The following GRIK4 variants were observed in gnomAD, a reference collection of about 807,000 sequenced individuals.
The protein encoded by GRIK4 is glutamate receptor ionotropic, kainate 4.
Under a neutral mutation model 104.9 loss-of-function variants are expected in GRIK4, and 40 were observed. That is an observed-to-expected ratio of 0.38 (90% confidence interval 0.30 to 0.50). The LOEUF is 0.50. Among genes scored for constraint, GRIK4 ranks in the 20% least tolerant of loss-of-function variants. GRIK4 has a pLI of 0.93. For missense variants in GRIK4, 1,047 were observed against 1,308.1 expected (o/e 0.80, Z 3.08); for synonymous variants, 485 against 524.9 (o/e 0.92, Z 1.04).
Position 120,874,042 on chromosome 11 carries a change from C to T in GRIK4, c.907-24C>T, listed in dbSNP as rs140062412. On this transcript the variant is annotated intron_variant, in intron 9 of 20. Coordinates refer to ENST00000527524, the MANE Select transcript of GRIK4 (RefSeq NM_014619.5). The stretch of plus-strand genomic sequence containing the variant: ...CTCTACACCTCTCACTCCCTCCCTC[C>T]GCCTGCTCCCCGGCCTCTCCCAGCT... 3.7e-4 allele frequency: 589 copies of T among 1,588,918 alleles called. No homozygotes were observed. The African/African-American group carries it at 6.5e-3, about 18-fold the overall frequency.
chr11:120,928,988 T>TGTGTGTGTGCGC (rs1205285819), intron 13 of GRIK4, among the ~76,000 whole-genome samples: 2 of 118,468 alleles, frequency 1.7e-5, no homozygotes, highest in African/African-American at 5.4e-5. Flanking sequence ...TGTGTGTGTG[T>TGTGTGTGTGCGC]GCGCGCGTGC....
intron 1 of GRIK4, among the ~76,000 whole-genome samples, chr11:120,574,790 G>T (rs1413136204): frequency 6.6e-6 from 1 of 152,110 alleles, no homozygotes; most frequent in Non-Finnish European, 1.5e-5. Context: ...GAGGGGAGGC[G>T]CTTTCCTCTG....
chr11:120,918,094 G>T (rs1163674825), intron 13 of GRIK4, among the ~76,000 whole-genome samples: 1 of 152,174 alleles, frequency 6.6e-6, no homozygotes, highest in African/African-American at 2.4e-5. Context: ...TTACCTGTGG[G>T]CTTGGCCAGA....
At position 120,979,002 on chromosome 11, in the gene GRIK4, A is replaced by G. The variant is rs192039378; in HGVS notation, c.2396-3104A>G. 5.9e-5 allele frequency among the ~76,000 whole-genome samples: 9 copies of G among 152,370 alleles called. No individual in the cohort carries two copies. In the East Asian group the frequency reaches 1.5e-3, roughly 26 times the overall value. On this transcript the variant is annotated intron_variant, in intron 19 of 20. Transcript: ENST00000527524. ...AGGGTGGTTTTAGTGGTGCAAGACAAAATTGCATGGGGTGAAGATTGAATA... is the reference window on the plus strand; with the variant it reads ...AGGGTGGTTTTAGTGGTGCAAGACAGAATTGCATGGGGTGAAGATTGAATA...
intron 1 of GRIK4, among the ~76,000 whole-genome samples, chr11:120,650,481 T>C (rs1209926033): frequency 6.6e-6 from 1 of 152,228 alleles, no homozygotes; most frequent in Admixed American, 6.5e-5. Context: ...CCTGGTCTCT[T>C]CCCTGCTCTT....
chr11:120,808,890 A>G (rs1952770052), intron 4 of GRIK4, among the ~76,000 whole-genome samples: 1 of 152,062 alleles, frequency 6.6e-6, no homozygotes. Context: ...CCCAGTGCAC[A>G]TCTCTGTGAG....
chr11:120,926,109 G>A (rs1237233265), intron 13 of GRIK4, among the ~76,000 whole-genome samples: 1 of 152,212 alleles, frequency 6.6e-6, no homozygotes, highest in Non-Finnish European at 1.5e-5. Context: ...AAAGTCAGGT[G>A]TGATGGTGGT....
chr11:120,632,898 C>T (rs1012608199), intron 1 of GRIK4, among the ~76,000 whole-genome samples: 7 of 152,140 alleles, frequency 4.6e-5, no homozygotes, highest in Admixed American at 2.0e-4. Flanking sequence ...TACTAGCTCA[C>T]GTCTTAACCC....
Position 120,967,235 on chromosome 11 carries a change from G to A in GRIK4, c.2307G>A (p.Gln769=), listed in dbSNP as rs759376798. Residue 769 remains glutamine (Q), a synonymous_variant, in exon 19 of 21, where the codon CAG becomes CAA. Coordinates refer to ENST00000527524, the MANE Select transcript of GRIK4 (RefSeq NM_014619.5). This position sits in a 1 kb window ranked among gnomAD's most constrained non-coding sequence, Gnocchi z 4.2. ...ACGAGTTTGATCTGGCCATTCTCCAGCTGCAGGAGAACAACCGCCTGGAGA... is the reference window on the plus strand; with the variant it reads ...ACGAGTTTGATCTGGCCATTCTCCAACTGCAGGAGAACAACCGCCTGGAGA... ...FRDEFDLAIL[Q]LQENNRLEIL... is the part of the protein sequence containing the mutation. 2 of 1,613,874 alleles carry A rather than the reference G, an allele frequency of 1.2e-6. No homozygotes were observed. Among genetic ancestry groups the A allele is most frequent in the Non-Finnish European group, 1.7e-6 (2 of 1,179,872 alleles).
intron 1 of GRIK4, among the ~76,000 whole-genome samples, chr11:120,586,896 T>G (rs1948673139): frequency 6.6e-6 from 1 of 152,178 alleles, no homozygotes. Flanking sequence ...GAGGTCCAGA[T>G]TCTGGCCTTC....
intron 1 of GRIK4, among the ~76,000 whole-genome samples, chr11:120,571,991 C>T (rs1188546544): frequency 2.0e-5 from 3 of 152,198 alleles, no homozygotes; most frequent in Admixed American, 6.5e-5. Context: ...GATCATTCTA[C>T]CATAGACTGA....
At chr11:120,779,195 G>A (rs1352179142) in intron 3 of GRIK4, among the ~76,000 whole-genome samples, 2 of 152,184 alleles carry the variant, frequency 1.3e-5, no homozygotes, top group African/African-American at 4.8e-5. Flanking sequence ...ACAGGGGACC[G>A]ACCAACCATT....
chr11:120,873,744 G>A (rs1242733994), intron 9 of GRIK4: 3 of 216,414 alleles, frequency 1.4e-5, no homozygotes, highest in Non-Finnish European at 1.8e-5. Flanking sequence ...ATTCCTGGTA[G>A]CAGTGGCAGT....
At chr11:120,974,982 G>A (rs1397273801) in intron 19 of GRIK4, among the ~76,000 whole-genome samples, 1 of 152,214 alleles carries the variant, frequency 6.6e-6, no homozygotes, top group Non-Finnish European at 1.5e-5. Context: ...TTGGATTACT[G>A]AAGTCTTTGC....
chr11:120,650,537 T>C (rs966207350), intron 1 of GRIK4, among the ~76,000 whole-genome samples: 1 of 152,304 alleles, frequency 6.6e-6, no homozygotes, highest in African/African-American at 2.4e-5. Flanking sequence ...AAACATTTCA[T>C]CCTTAGGGAG....
rs548402738 is a variant in GRIK4 at position 120,524,722 on chromosome 11, T to C, written c.-159+12835T>C. ...CAGGAGGAGGCTCTGGGAACATGGATTGGACCTGGGGTGCTCCTTCAGACA... is the reference window on the plus strand; with the variant it reads ...CAGGAGGAGGCTCTGGGAACATGGACTGGACCTGGGGTGCTCCTTCAGACA... On this transcript the variant is annotated intron_variant, in intron 1 of 20. Transcript: ENST00000527524. This position sits in a 1 kb window ranked among gnomAD's most constrained non-coding sequence, Gnocchi z 4.5. 2.4e-4 allele frequency among the ~76,000 whole-genome samples: 37 copies of C among 152,126 alleles called. No individual in the cohort carries two copies. Among genetic ancestry groups the C allele is most frequent in the Non-Finnish European group, 4.9e-4 (33 of 68,014 alleles).
intron 11 of GRIK4, among the ~76,000 whole-genome samples, chr11:120,880,682 C>T (rs1387872351): frequency 2.0e-5 from 3 of 152,202 alleles, no homozygotes; most frequent in African/African-American, 7.2e-5. Context: ...TTGAGCATGT[C>T]CTGGGCTGAG....
At chr11:120,964,469 G>T (rs1294158123) in intron 18 of GRIK4, among the ~76,000 whole-genome samples, 2 of 152,096 alleles carry the variant, frequency 1.3e-5, no homozygotes, top group East Asian at 1.9e-4. Context: ...TATGTCATTG[G>T]TGTCCACTAA....
intron 1 of GRIK4, among the ~76,000 whole-genome samples, chr11:120,544,977 G>A (rs1237724603): frequency 1.3e-5 from 2 of 152,174 alleles, no homozygotes; most frequent in Non-Finnish European, 2.9e-5. Context: ...CACAACAACC[G>A]TGTGCTGCAG....
Sources: allele counts gnomAD v4.1 joint callset (sites outside exome capture counted in the v4.1 genomes callset), GRCh38; gene constraint gnomAD v4.1.1; non-coding constraint Gnocchi (gnomAD v3.1); transcripts MANE v1.5; gene names NCBI Gene and HGNC (gene_info 2026-07-23, HGNC 2026-07-21).